Variants in CMYA5 observed in about 807,000 individuals in gnomAD.
CMYA5 encodes cardiomyopathy-associated protein 5.
Under a neutral mutation model 318.9 loss-of-function variants are expected in CMYA5, and 246 were observed. The ratio of observed to expected loss-of-function variants is 0.77; its 90% CI spans 0.70 to 0.86. The LOEUF is 0.86. CMYA5 is among the 40% of genes least tolerant of loss of function. CMYA5 has a pLI of 0.00. For synonymous variants in CMYA5, 1,641 were observed against 1,729.5 expected (o/e 0.95, Z 1.27); for missense variants, 4,589 against 4,678.2 (o/e 0.98, Z 0.56).
At chr5:79,752,450 A>G (rs1828446893) in intron 5 of CMYA5, among the ~76,000 whole-genome samples, 1 of 152,234 alleles carries the variant, frequency 6.6e-6, no homozygotes, top group South Asian at 2.1e-4. Context: ...CTTTCTAACT[A>G]GAGGATATAG....
chr5:79,747,712 T>A (rs1365871763), intron 5 of CMYA5, among the ~76,000 whole-genome samples: 1 of 152,170 alleles, frequency 6.6e-6, no homozygotes, highest in Non-Finnish European at 1.5e-5. Context: ...AACATCAGAT[T>A]TATGTTTATC....
At chr5:79,791,757 A>C (rs533758709) in intron 11 of CMYA5, among the ~76,000 whole-genome samples, 1 of 150,736 alleles carries the variant, frequency 6.6e-6, no homozygotes, top group African/African-American at 2.4e-5. Flanking sequence ...AGGACAGTTT[A>C]TTGAGTTCCT....
Position 79,735,711 on chromosome 5 carries a change from G to C in CMYA5, c.6946G>C (p.Glu2316Gln). The stretch of plus-strand genomic sequence containing the variant: ...TACTTCTGCTGATGGTGAGAACCTT[G>C]AAATTCAATCTTATTCACTAATCGG... ...VVTSADGENL[E>Q]IQSYSLIGEK... The change falls in exon 2 of 13, where the codon GAA becomes CAA. Residue 2316 changes from glutamate to glutamine, a missense_variant. Glu to Gln is a conservative substitution (Grantham distance 29). Coordinates refer to ENST00000446378, the MANE Select transcript of CMYA5 (RefSeq NM_153610.5). 1.3e-6 allele frequency: 2 copies of C among 1,599,782 alleles called. No individual in the cohort carries two copies. The highest frequency in any genetic ancestry group is 1.7e-6 in the Non-Finnish European group (2 of 1,176,306).
intron 9 of CMYA5, among the ~76,000 whole-genome samples, chr5:79,776,609 T>C (rs1055906052): frequency 1.3e-5 from 2 of 152,122 alleles, no homozygotes; most frequent in African/African-American, 4.8e-5. Context: ...CCTCTTAAGA[T>C]TCCGATTCAG....
At chr5:79,742,784 T>TTGTAGA (rs1156896914) in intron 2 of CMYA5, among the ~76,000 whole-genome samples, 5 of 151,568 alleles carry the variant, frequency 3.3e-5, no homozygotes, top group Non-Finnish European at 7.4e-5. Flanking sequence ...GAAGATGGAC[T>TTGTAGA]TGTAGATTCC....
At chr5:79,796,106 T>G (rs1489557645) in intron 12 of CMYA5, among the ~76,000 whole-genome samples, 4 of 152,074 alleles carry the variant, frequency 2.6e-5, no homozygotes, top group Admixed American at 2.0e-4. Context: ...AGGTAGGGAT[T>G]GGCTCAAGGA....
At chr5:79,792,139 C>A (rs1369225907) in intron 11 of CMYA5, among the ~76,000 whole-genome samples, 6 of 152,332 alleles carry the variant, frequency 3.9e-5, no homozygotes, top group Admixed American at 6.5e-5. Context: ...CAAGGCTTCT[C>A]TGGACCCTGG....
rs147951859 is a variant in CMYA5 at position 79,740,944 on chromosome 5, C to G, written c.10638+1541C>G. 8.5e-5 allele frequency among the ~76,000 whole-genome samples: 13 copies of G among 152,330 alleles called. No individual in the cohort carries two copies. The East Asian group carries it at 2.5e-3, about 29-fold the overall frequency. ...AGTGCAGTGGTGTAATCACAGCTCA[C>G]TGCAGCCTTGACCTCCCAGGCTCAA... On this transcript the variant is annotated intron_variant, in intron 2 of 12. Transcript: ENST00000446378.
Position 79,732,922 on chromosome 5 carries a change from CA to C in CMYA5, c.4158del (p.Val1387SerfsTer2). On this transcript the variant is annotated frameshift_variant, in exon 2 of 13. Coordinates refer to ENST00000446378, the MANE Select transcript of CMYA5 (RefSeq NM_153610.5). LOFTEE classifies it high-confidence loss of function. Reference sequence around the variant, plus strand: ...TCTCTTATCACTCCTGTAGATCGTCCAGTCTTAACAAAAGTAGGAAAGGGTG... The same window carrying C: ...TCTCTTATCACTCCTGTAGATCGTCCGTCTTAACAAAAGTAGGAAAGGGTG... ...DSSLITPVDRPVLTKVGKGEL... is the reference protein window; with the variant it reads ...DSSLITPVDRXVLTKVGKGEL... 6.2e-7 allele frequency: 1 copy of C among 1,613,692 alleles called. No homozygotes were observed. Among genetic ancestry groups the C allele is most frequent in the Non-Finnish European group, 8.5e-7 (1 of 1,179,794 alleles).
At chr5:79,757,072 G>A (rs1462538737) in intron 6 of CMYA5, among the ~76,000 whole-genome samples, 1 of 151,738 alleles carries the variant, frequency 6.6e-6, no homozygotes. Context: ...GTGGGCGCCT[G>A]TAATCCCAGC....
Position 79,732,372 on chromosome 5 carries a change from A to G in CMYA5, c.3607A>G (p.Lys1203Glu), listed in dbSNP as rs1827933494. ...KAADEQMALS[K>E]VRKEEIVPDS... The stretch of plus-strand genomic sequence containing the variant: ...TGCAGATGAACAGATGGCTTTGTCA[A>G]AAGTCAGAAAGGAAGAAATTGTGCC... The change falls in exon 2 of 13, where the codon AAA (lysine) becomes GAA (glutamate). Residue 1203 changes from lysine (K) to glutamate (E), a missense_variant. Physicochemically the swap from Lys to Glu is moderately conservative, Grantham distance 56. Coordinates refer to ENST00000446378, the MANE Select transcript of CMYA5 (RefSeq NM_153610.5). 2.5e-6 allele frequency: 4 copies of G among 1,613,788 alleles called. No individual in the cohort carries two copies. The African/African-American group carries it at 4.0e-5, about 16-fold the overall frequency.
Position 79,735,634 on chromosome 5 carries a change from G to C in CMYA5, c.6869G>C (p.Gly2290Ala). The C allele has an allele frequency of 6.2e-7, 1 of 1,612,878 alleles. No homozygotes were observed. The highest frequency in any genetic ancestry group is 8.5e-7 in the Non-Finnish European group (1 of 1,179,512). Residue 2290 changes from glycine to alanine, a missense_variant, in exon 2 of 13, where the codon GGA becomes GCA. Transcript: ENST00000446378. ...FISEVSREDYGKKEISGDSEE... is the reference protein window; with the variant it reads ...FISEVSREDYAKKEISGDSEE... ...TCTGAGGTGTCTAGGGAAGATTATG[G>C]AAAAAAAGAAATCTCAGGCGATTCA...
intron 12 of CMYA5, among the ~76,000 whole-genome samples, chr5:79,796,494 G>A (rs1829278181): frequency 6.6e-6 from 1 of 152,040 alleles, no homozygotes. Context: ...TGATCTCCTG[G>A]GCTCAAGCAA....
chr5:79,778,841 T>G (rs1554037563), intron 9 of CMYA5, among the ~76,000 whole-genome samples: 27 of 63,296 alleles, frequency 4.3e-4, no homozygotes, highest in African/African-American at 2.0e-3. Flanking sequence ...GTGTGTATGT[T>G]TATTCACTCA....
At chr5:79,774,398 CTT>C (rs1468559905) in intron 9 of CMYA5, 1 of 152,220 alleles carries the variant, frequency 6.6e-6, no homozygotes. Flanking sequence ...GCTCAAAACA[CTT>C]TCAAAAATTT....
intron 1 of CMYA5, among the ~76,000 whole-genome samples, chr5:79,705,221 G>A (rs984182337): frequency 5.3e-5 from 8 of 152,188 alleles, no homozygotes; most frequent in African/African-American, 1.7e-4. Flanking sequence ...GCAGTGAGGC[G>A]AGATCGTGCC....
At position 79,709,960 on chromosome 5, in the gene CMYA5, C is replaced by CAAA. The variant is rs61657639; in HGVS notation, c.150-18929_150-18927dup. Reference sequence around the variant, plus strand: ...TGGGTGACAGAGTGAGACTCCATCTCAAAAAAAAAAAAAAAAAAAAAAAAA... The same window carrying CAAA: ...TGGGTGACAGAGTGAGACTCCATCTCAAAAAAAAAAAAAAAAAAAAAAAAAAAA... On this transcript the variant is annotated intron_variant, in intron 1 of 12. Transcript: ENST00000446378. Among the ~76,000 whole-genome samples, 202 of 24,328 alleles carry CAAA rather than the reference C, an allele frequency of 8.3e-3. 6 individuals are homozygous for CAAA. Among genetic ancestry groups the CAAA allele is most frequent in the East Asian group, 0.034 (18 of 536 alleles). The allele number at this position is 24,328 out of a possible 152,430, so 16.0% of individuals were successfully genotyped here. A position where few individuals can be genotyped will look rare whatever the true frequency, so the allele number is the denominator to read the frequency against.
intron 9 of CMYA5, among the ~76,000 whole-genome samples, chr5:79,776,656 G>C (rs1010655453): frequency 6.6e-6 from 1 of 152,132 alleles, no homozygotes; most frequent in East Asian, 1.9e-4. Flanking sequence ...GGGGAACACT[G>C]CCTTACCAGC....
chr5:79,734,989 C>T lies in CMYA5; in HGVS notation c.6224C>T (p.Pro2075Leu), dbSNP rs201456508. The change falls in exon 2 of 13, where the codon CCG becomes CTG. Residue 2075 changes from proline to leucine, a missense_variant. Pro to Leu is a moderately conservative substitution (Grantham distance 98, BLOSUM62 -3). Coordinates refer to ENST00000446378, the MANE Select transcript of CMYA5 (RefSeq NM_153610.5). ...TCTTCTGTCAAAACAGCCCATTTCC[C>T]GGCAGAAGGTGTGGAACCTGCATTG... is the stretch of plus-strand genomic sequence containing the variant. The part of the protein sequence containing the change: ...ISSSVKTAHF[P>L]AEGVEPALGN... 1.3e-4 allele frequency: 207 copies of T among 1,613,602 alleles called. No homozygotes were observed. The highest frequency in any genetic ancestry group is 9.9e-4 in the African/African-American group (74 of 74,986).
Sources: gnomAD v4.1 joint callset for allele counts (sites outside exome capture counted in the v4.1 genomes callset) on GRCh38, gnomAD v4.1.1 for gene constraint, MANE v1.5 for transcripts, NCBI Gene and HGNC (gene_info 2026-07-23, HGNC 2026-07-21) for gene names.